SHROOM4: variants seen among roughly 807,000 people sequenced by gnomAD.
SHROOM4 encodes the protein protein Shroom4.
Under a neutral mutation model 80.3 loss-of-function variants are expected in SHROOM4, and 17 were observed. That is an observed-to-expected ratio of 0.21 (90% CI 0.14 to 0.32). SHROOM4 has a LOEUF of 0.32. SHROOM4 is among the 10% of genes least tolerant of loss of function. The pLI is 1.00. For synonymous variants in SHROOM4, 400 were observed against 437.5 expected (o/e 0.91, Z 1.07); for missense variants, 993 against 1,140.3 (o/e 0.87, Z 1.86).
the SHROOM4 span, among the ~76,000 whole-genome samples, chrX:50,578,082 T>C: frequency 8.9e-6 from 1 of 111,779 alleles, no homozygotes; most frequent in African/African-American, 3.3e-5. Context: ...GTAAAGTGCA[T>C]GCACACATAC....
chrX:50,743,811 C>T (rs1053230807), intron 1 of SHROOM4, among the ~76,000 whole-genome samples: 3 of 112,036 alleles, frequency 2.7e-5, no homozygotes, highest in African/African-American at 9.7e-5. Flanking sequence ...GCAACACATT[C>T]TCCTAATCTT....
chrX:50,800,104 C>T (rs1302456637), intron 1 of SHROOM4, among the ~76,000 whole-genome samples: 1 of 112,153 alleles, frequency 8.9e-6, no homozygotes, highest in African/African-American at 3.2e-5. Context: ...TCTAAGTGTT[C>T]CCTCTGCCTC....
At chrX:50,762,883 A>G (rs1256291885) in intron 1 of SHROOM4, among the ~76,000 whole-genome samples, 2 of 111,541 alleles carry the variant, frequency 1.8e-5, no homozygotes, top group East Asian at 5.6e-4. Context: ...GTATATCTTT[A>G]TGCCTTTATC....
downstream of SHROOM4, among the ~76,000 whole-genome samples, chrX:50,583,624 T>C (rs896644641): frequency 7.5e-4 from 84 of 112,012 alleles, no homozygotes; most frequent in African/African-American, 2.6e-3. Flanking sequence ...GCAAGGCTTC[T>C]AGGAACTCTG....
intron 2 of SHROOM4, among the ~76,000 whole-genome samples, chrX:50,659,937 T>A (rs781836182): frequency 8.9e-6 from 1 of 112,573 alleles, no homozygotes; most frequent in Non-Finnish European, 1.9e-5. Flanking sequence ...AAATAAATTT[T>A]AAATAACTGA....
At chrX:50,741,655 A>G (rs1557267211) in intron 1 of SHROOM4, among the ~76,000 whole-genome samples, 1 of 111,085 alleles carries the variant, frequency 9.0e-6, no homozygotes. Context: ...GCATTTCCCT[A>G]ATGACTAATG....
chrX:50,744,234 C>T (rs1202113616), intron 1 of SHROOM4, among the ~76,000 whole-genome samples: 1 of 111,560 alleles, frequency 9.0e-6, no homozygotes, highest in African/African-American at 3.3e-5. Flanking sequence ...ACTCTCATTA[C>T]ATATATGTTG....
chrX:50,803,139 G>A (rs782608857), intron 1 of SHROOM4, among the ~76,000 whole-genome samples: 56 of 112,011 alleles, frequency 5.0e-4, no homozygotes, highest in Middle Eastern at 4.6e-3. Context: ...GCAGTGAGCC[G>A]AGATCACGCC....
At position 50,598,512 on chromosome X, in the gene SHROOM4, G is replaced by A. The variant is rs1557247089; in HGVS notation, c.3966C>T (p.Ser1322=). 6 of 1,204,510 alleles carry A rather than the reference G, an allele frequency of 5.0e-6. No homozygotes were observed. ...QKKIQLIESI[S]RKLSVLREAQ... The stretch of plus-strand genomic sequence containing the variant: ...CCTCCCGCAAGACAGAAAGTTTTCT[G>A]CTGATGCTTTCGATAAGCTGTATCT... The change falls in exon 8 of 9, where the codon AGC becomes AGT. Residue 1322 remains serine (S), a synonymous_variant. Coordinates refer to ENST00000376020, the MANE Select transcript of SHROOM4 (RefSeq NM_020717.5).
intron 1 of SHROOM4, among the ~76,000 whole-genome samples, chrX:50,785,267 C>A (rs1935715645): frequency 9.0e-6 from 1 of 111,359 alleles, no homozygotes; most frequent in African/African-American, 3.3e-5. Flanking sequence ...TAGATTTAAC[C>A]ATGATGAGCC....
the SHROOM4 span, among the ~76,000 whole-genome samples, chrX:50,575,834 A>G: frequency 4.5e-5 from 5 of 112,193 alleles, no homozygotes; most frequent in Non-Finnish European, 7.5e-5. Flanking sequence ...TGAAACCATC[A>G]AATCCAGTTT....
At chrX:50,614,249 A>G (rs1239070193) in intron 5 of SHROOM4, among the ~76,000 whole-genome samples, 1 of 112,665 alleles carries the variant, frequency 8.9e-6, no homozygotes, top group Non-Finnish European at 1.9e-5. Flanking sequence ...TTTAAGTAAG[A>G]CACAAAACAT....
intron 4 of SHROOM4, among the ~76,000 whole-genome samples, chrX:50,630,752 T>G (rs781906760): frequency 8.9e-6 from 1 of 111,921 alleles, no homozygotes; most frequent in East Asian, 2.8e-4. Context: ...CATTTTAAAG[T>G]AAGTTGAAAA....
intron 2 of SHROOM4, among the ~76,000 whole-genome samples, chrX:50,639,312 G>GGA (rs200066686): frequency 1.2e-4 from 13 of 110,135 alleles, no homozygotes; most frequent in Non-Finnish European, 2.3e-4. Context: ...GAGAGAGAAT[G>GGA]GAGAGAGAGA....
chrX:50,627,771 C>T (rs1930867780), intron 4 of SHROOM4, 96 bp from the exon 5 acceptor site: 1 of 683,828 alleles, frequency 1.5e-6, no homozygotes, highest in Admixed American at 2.4e-5. Flanking sequence ...GGTGTCTGGC[C>T]CAGCCCCCCA....
At chrX:50,617,530 C>T (rs1035174240) in intron 5 of SHROOM4, among the ~76,000 whole-genome samples, 8 of 111,223 alleles carry the variant, frequency 7.2e-5, no homozygotes, top group Admixed American at 5.7e-4. Context: ...TAATAAAAGG[C>T]AAGTTTAGGG....
At chrX:50,802,742 T>C (rs1936152407) in intron 1 of SHROOM4, among the ~76,000 whole-genome samples, 1 of 111,590 alleles carries the variant, frequency 9.0e-6, no homozygotes, top group Non-Finnish European at 1.9e-5. Context: ...ACTAGGTGCC[T>C]TATTCTTAAT....
chrX:50,651,767 A>C (rs192377760), intron 2 of SHROOM4, among the ~76,000 whole-genome samples: 2 of 104,571 alleles, frequency 1.9e-5, no homozygotes, highest in African/African-American at 7.1e-5. Flanking sequence ...AGTGTGTGAC[A>C]TTCCCCTCCC....
rs1404107258 is a variant in SHROOM4 at position 50,607,795 on chromosome X, C to T, written c.3347G>A (p.Arg1116His). 7 of 1,133,924 alleles carry T rather than the reference C, an allele frequency of 6.2e-6. No homozygotes were observed. Among genetic ancestry groups the T allele is most frequent in the Admixed American group, 4.7e-5 (2 of 42,349 alleles). 93.4% of individuals were successfully genotyped at this position (1,133,924 alleles called of 1,213,427 possible). Reference sequence around the variant, plus strand: ...TTGCTGCTTCTGCTGCTGGGCTGCACGAAAGAGCCTGTACTTCTCCCAGTT... The same window carrying T: ...TTGCTGCTTCTGCTGCTGGGCTGCATGAAAGAGCCTGTACTTCTCCCAGTT... ...PPNWEKYRLFRAAQQQKQQQQ... is the reference protein window; with the variant it reads ...PPNWEKYRLFHAAQQQKQQQQ... The change falls in exon 6 of 9, where the codon CGT (arginine) becomes CAT (histidine). Residue 1116 changes from arginine (R) to histidine (H), a missense_variant. Physicochemically the swap from Arg to His is conservative, Grantham distance 29. Transcript: ENST00000376020.
Sources: allele counts gnomAD v4.1 joint callset (sites outside exome capture counted in the v4.1 genomes callset), GRCh38; gene constraint gnomAD v4.1.1; transcripts MANE v1.5; gene names NCBI Gene and HGNC (gene_info 2026-07-23, HGNC 2026-07-21).